The following PRDM5 variants were observed in gnomAD, a reference collection of about 807,000 sequenced individuals.
The protein encoded by PRDM5 is PR/SET domain 5, also known as PR domain zinc finger protein 5.
A neutral mutation model predicts 81.2 loss-of-function variants in PRDM5; 56 were observed. The observed-to-expected ratio is 0.69, with a 90% CI of 0.56 to 0.86. PRDM5 has a LOEUF of 0.86. Ranked by LOEUF, PRDM5 falls within the 40% of genes least tolerant of loss-of-function variation. The pLI, the probability that PRDM5 is intolerant of heterozygous loss-of-function variation, is 0.00. For synonymous variants in PRDM5, 267 were observed against 256.4 expected (o/e 1.04, Z -0.39); for missense variants, 697 against 770.1 (o/e 0.91, Z 1.12).
At chr4:120,757,457 A>G (rs1024680812) in intron 13 of PRDM5, among the ~76,000 whole-genome samples, 2 of 152,246 alleles carry the variant, frequency 1.3e-5, no homozygotes, top group Non-Finnish European at 2.9e-5. Context: ...CTAGAATAAT[A>G]TAGTAATAGC....
intron 3 of PRDM5, chr4:120,838,274 A>T (rs773485065): frequency 6.6e-6 from 1 of 152,122 alleles, no homozygotes; most frequent in Non-Finnish European, 1.5e-5. Flanking sequence ...TTGGGGAATA[A>T]GATAAAGCTT....
At chr4:120,917,814 T>G (rs1220293684) in intron 1 of PRDM5, among the ~76,000 whole-genome samples, 1 of 152,112 alleles carries the variant, frequency 6.6e-6, no homozygotes, top group South Asian at 2.1e-4. Context: ...AAAGTGTGCA[T>G]GTGTTTGTAT....
intron 10 of PRDM5, among the ~76,000 whole-genome samples, chr4:120,794,974 A>T (rs1224316462): frequency 6.6e-6 from 1 of 151,306 alleles, no homozygotes; most frequent in Non-Finnish European, 1.5e-5. Context: ...AATTGATTTC[A>T]AGACCTACAC....
intron 3 of PRDM5, among the ~76,000 whole-genome samples, chr4:120,824,251 C>T (rs946809959): frequency 2.6e-5 from 4 of 152,164 alleles, no homozygotes; most frequent in Non-Finnish European, 5.9e-5. Flanking sequence ...CTAGCAATAA[C>T]CTTGTGGTTC....
At chr4:120,861,236 G>A (rs952188037) in intron 2 of PRDM5, among the ~76,000 whole-genome samples, 7 of 152,134 alleles carry the variant, frequency 4.6e-5, no homozygotes, top group Non-Finnish European at 8.8e-5. Flanking sequence ...TCAAACTCCT[G>A]ACCTCAAGTG....
chr4:120,845,737 C>A (rs1011636817), intron 3 of PRDM5, among the ~76,000 whole-genome samples: 4 of 152,200 alleles, frequency 2.6e-5, no homozygotes, highest in Non-Finnish European at 5.9e-5. Context: ...CTGAAACACA[C>A]TTCATAAGGC....
At chr4:120,904,614 G>A (rs999543628) in intron 2 of PRDM5, among the ~76,000 whole-genome samples, 1 of 152,112 alleles carries the variant, frequency 6.6e-6, no homozygotes, top group Admixed American at 6.5e-5. Flanking sequence ...GAGACAACTA[G>A]TGTGAAAACA....
chr4:120,855,017 C>T (rs1759713163), intron 2 of PRDM5, among the ~76,000 whole-genome samples: 2 of 152,000 alleles, frequency 1.3e-5, no homozygotes, highest in Admixed American at 1.3e-4. Context: ...TTGGCAGACA[C>T]CAGATCATGC....
At chr4:120,834,426 A>G (rs1371491208) in intron 3 of PRDM5, among the ~76,000 whole-genome samples, 1 of 152,110 alleles carries the variant, frequency 6.6e-6, no homozygotes, top group Non-Finnish European at 1.5e-5. Flanking sequence ...ACAGCTGCCT[A>G]TGAAACAGGA....
intron 3 of PRDM5, among the ~76,000 whole-genome samples, chr4:120,844,234 A>G (rs1758389491): frequency 1.3e-5 from 2 of 152,186 alleles, no homozygotes; most frequent in Admixed American, 1.3e-4. Context: ...ATAAAGACAA[A>G]AACTACAAAC....
At chr4:120,721,692 T>C (rs758699202) in intron 14 of PRDM5, among the ~76,000 whole-genome samples, 3 of 152,204 alleles carry the variant, frequency 2.0e-5, no homozygotes, top group Non-Finnish European at 4.4e-5. Context: ...TGAAGAAACA[T>C]TTGTTTAAAA....
chr4:120,725,940 C>T (rs540475886), intron 14 of PRDM5, among the ~76,000 whole-genome samples: 5 of 152,218 alleles, frequency 3.3e-5, no homozygotes, highest in African/African-American at 4.8e-5. Flanking sequence ...AGTCTAGCAT[C>T]CCACTGGCAG....
chr4:120,759,955 A>G (rs1384108746), intron 13 of PRDM5, among the ~76,000 whole-genome samples: 2 of 152,252 alleles, frequency 1.3e-5, no homozygotes, highest in African/African-American at 2.4e-5. Flanking sequence ...AATGCTTAAC[A>G]CACATTAGCA....
At chr4:120,784,150 G>T (rs1456461562) in intron 11 of PRDM5, among the ~76,000 whole-genome samples, 3 of 152,052 alleles carry the variant, frequency 2.0e-5, no homozygotes, top group African/African-American at 7.2e-5. Flanking sequence ...TCTAAACAGA[G>T]AATCCACTTT....
intron 14 of PRDM5, among the ~76,000 whole-genome samples, chr4:120,734,216 G>A (rs1740708612): frequency 6.6e-6 from 1 of 151,950 alleles, no homozygotes; most frequent in African/African-American, 2.4e-5. Flanking sequence ...CAGGCAGAGA[G>A]GAGCCGCTGT....
At chr4:120,818,148 A>G in intron 5 of PRDM5, 1 of 553,076 alleles carries the variant, frequency 1.8e-6, no homozygotes. Context: ...CCATAATTTG[A>G]ATATTTTAAT....
intron 2 of PRDM5, among the ~76,000 whole-genome samples, chr4:120,888,732 G>A (rs761254789): frequency 6.6e-6 from 1 of 152,186 alleles, no homozygotes; most frequent in African/African-American, 2.4e-5. Flanking sequence ...CAGTATATGA[G>A]AGTTTCAGAT....
At chr4:120,839,240 T>C (rs1473845795) in intron 3 of PRDM5, 2 of 702,974 alleles carry the variant, frequency 2.8e-6, no homozygotes, top group East Asian at 2.7e-5. Context: ...ACAGCTCTTT[T>C]AGCCTCGCCA....
chr4:120,796,530 G>A (rs919779152), intron 10 of PRDM5, among the ~76,000 whole-genome samples: 2 of 152,146 alleles, frequency 1.3e-5, no homozygotes, highest in Non-Finnish European at 2.9e-5. Flanking sequence ...TCAGAGAAAG[G>A]AATAAGAGGG....
Sources: allele counts gnomAD v4.1 joint callset (sites outside exome capture counted in the v4.1 genomes callset), GRCh38; gene constraint gnomAD v4.1.1; transcripts MANE v1.5; gene names NCBI Gene and HGNC (gene_info 2026-07-23, HGNC 2026-07-21).